Variants in RNASEH1 observed in about 807,000 individuals in gnomAD.
RNASEH1 encodes ribonuclease H type II.
Under a neutral mutation model 34.6 loss-of-function variants are expected in RNASEH1, and 27 were observed. The observed-to-expected ratio is 0.78, with a 90% CI of 0.58 to 1.08. The LOEUF is 1.08. Ranked by LOEUF, RNASEH1 falls within the 50% of genes least tolerant of loss-of-function variation. The probability of loss-of-function intolerance (pLI) is 0.00; values close to 1 mark genes in which losing one functional copy is unlikely to be tolerated. For synonymous variants in RNASEH1, 162 were observed against 138.4 expected (o/e 1.17, Z -1.20); for missense variants, 349 against 373.6 (o/e 0.93, Z 0.54).
intron 2 of RNASEH1, 29 bp from the exon 3 acceptor site, chr2:3,552,337 G>T: frequency 6.2e-7 from 1 of 1,602,880 alleles, no homozygotes; most frequent in Non-Finnish European, 8.5e-7. Flanking sequence ...CTCGTGAGCT[G>T]GAAACAATGA....
chr2:3,542,575 A>G lies in RNASEH1; in HGVS notation c.*3210T>C, dbSNP rs1472077050. Among the ~76,000 whole-genome samples the G allele has an allele frequency of 6.6e-6, 1 of 152,212 alleles. No homozygotes were observed. Among genetic ancestry groups the G allele is most frequent in the Non-Finnish European group, 1.5e-5 (1 of 68,032 alleles). ...GACCTGAACACACAGAAATGAGTCA[A>G]TGGTGGTAAAAAGGAGCAATTTTTC... On this transcript the variant is annotated 3_prime_UTR_variant, in exon 8 of 8. Coordinates refer to ENST00000315212, the MANE Select transcript of RNASEH1 (RefSeq NM_002936.6).
chr2:3,539,098 T>A (rs55698231), downstream of RNASEH1, among the ~76,000 whole-genome samples: 27,665 of 152,130 alleles, frequency 0.18, 2,650 homozygotes, highest in African/African-American at 0.24. Context: ...CTTTGTGATA[T>A]GAGTTGCAAC....
At position 3,541,808 on chromosome 2, in the gene RNASEH1, C is replaced by T. The variant is rs1269004394; in HGVS notation, c.*3977G>A. Among the ~76,000 whole-genome samples the T allele has an allele frequency of 6.6e-6, 1 of 152,172 alleles. No homozygotes were observed. Among genetic ancestry groups the T allele is most frequent in the Admixed American group, 6.5e-5 (1 of 15,272 alleles). ...ACAGGCAAATGCATCGGTCACTTCA[C>T]GTATGTGCAGTTCATTACCTGTCAG... is the stretch of plus-strand genomic sequence containing the variant. On this transcript the variant is annotated 3_prime_UTR_variant, in exon 8 of 8. Transcript: ENST00000315212.
At chr2:3,550,048 T>G (rs1572308401) in intron 4 of RNASEH1, 1 of 237,270 alleles carries the variant, frequency 4.2e-6, no homozygotes, top group Non-Finnish European at 7.9e-6. Flanking sequence ...GAGGCCAAGG[T>G]GGGAGGATCG....
At chr2:3,554,851 AC>A (rs141194288) in intron 2 of RNASEH1, among the ~76,000 whole-genome samples, 4,553 of 152,326 alleles carry the variant, frequency 0.03, 243 homozygotes, top group African/African-American at 0.1. Context: ...TCTGTCTCAA[AC>A]TGATTTTTCC....
At chr2:3,550,548 C>A in intron 3 of RNASEH1, 76 bp from the exon 4 acceptor site, 2 of 1,097,270 alleles carry the variant, frequency 1.8e-6, no homozygotes, top group South Asian at 2.5e-5. Flanking sequence ...TCCACTAGGT[C>A]GACTTAGCAT....
intron 7 of RNASEH1, among the ~76,000 whole-genome samples, 153 bp downstream of exon 7, chr2:3,547,778 C>G (rs546782827): frequency 6.6e-6 from 1 of 152,192 alleles, no homozygotes; most frequent in East Asian, 1.9e-4. Context: ...TGAGCCACTA[C>G]GCCCAGCCTC....
intron 3 of RNASEH1, among the ~76,000 whole-genome samples, chr2:3,550,896 G>A (rs1659811304): frequency 6.6e-6 from 1 of 152,242 alleles, no homozygotes; most frequent in African/African-American, 2.4e-5. Context: ...CTCCTGACCA[G>A]TGCTGGTCTA....
At chr2:3,536,430 C>T (rs938800426), downstream of RNASEH1, among the ~76,000 whole-genome samples, 1 of 152,236 alleles carries the variant, frequency 6.6e-6, no homozygotes, top group African/African-American at 2.4e-5. Flanking sequence ...CGAGTCCCCT[C>T]GTGGACCAGG....
At chr2:3,536,514 CCT>C (rs1349620912), downstream of RNASEH1, among the ~76,000 whole-genome samples, 3 of 152,170 alleles carry the variant, frequency 2.0e-5, no homozygotes, top group Admixed American at 6.5e-5. Context: ...GGAAACCCAC[CCT>C]GACTCCTGAC....
intron 1 of RNASEH1, 57 bp from the exon 2 acceptor site, chr2:3,556,961 T>A: frequency 1.7e-5 from 22 of 1,291,534 alleles, no homozygotes; most frequent in Non-Finnish European, 2.1e-5. Flanking sequence ...TCCCCTTTTT[T>A]ATTGAGATTC....
At chr2:3,557,719 T>A in intron 1 of RNASEH1, 1 of 497,822 alleles carries the variant, frequency 2.0e-6, no homozygotes, top group South Asian at 1.6e-5. Context: ...ACTGGCTTAT[T>A]AGAATTTGCC....
At chr2:3,552,795 A>T (rs1226914317) in intron 2 of RNASEH1, among the ~76,000 whole-genome samples, 1 of 151,984 alleles carries the variant, frequency 6.6e-6, no homozygotes, top group African/African-American at 2.4e-5. Context: ...CCCGGGTTTG[A>T]ATCCAACCCG....
chr2:3,550,597 TTC>T, intron 3 of RNASEH1, 125 bp from the exon 4 acceptor site: 1 of 717,646 alleles, frequency 1.4e-6, no homozygotes, highest in Non-Finnish European at 2.5e-6. Flanking sequence ...TGCAGACGTT[TTC>T]TCTCTAGGAA....
chr2:3,536,170 G>A, the RNASEH1 span, among the ~76,000 whole-genome samples: 1 of 152,204 alleles, frequency 6.6e-6, no homozygotes, highest in Non-Finnish European at 1.5e-5. Flanking sequence ...AAGGACTTGT[G>A]GAAAAATACT....
At chr2:3,535,422 C>G in the RNASEH1 span, among the ~76,000 whole-genome samples, 1 of 137,120 alleles carries the variant, frequency 7.3e-6, no homozygotes, top group African/African-American at 2.9e-5. Flanking sequence ...GTGAGACTAT[C>G]CTGTCTAAAA....
At chr2:3,541,268 A>G (rs57988266), downstream of RNASEH1, among the ~76,000 whole-genome samples, 68,544 of 150,690 alleles carry the variant, frequency 0.45, 16,592 homozygotes, top group African/African-American at 0.61. Flanking sequence ...GGCAGAGCTT[A>G]CAGTGAGCCA....
intron 1 of RNASEH1, 115 bp downstream of exon 1, chr2:3,558,018 A>G: frequency 1.4e-6 from 2 of 1,481,322 alleles, no homozygotes; most frequent in African/African-American, 1.4e-5. Flanking sequence ...ACCCACAGCC[A>G]CAGCGCGCGG....
chr2:3,539,879 C>G (rs994101960), downstream of RNASEH1, among the ~76,000 whole-genome samples: 2 of 152,268 alleles, frequency 1.3e-5, no homozygotes, highest in East Asian at 3.9e-4. Flanking sequence ...AGGAGTGCAG[C>G]TTTCATTGGT....
Sources: gnomAD v4.1 joint callset for allele counts (sites outside exome capture counted in the v4.1 genomes callset) on GRCh38, gnomAD v4.1.1 for gene constraint, MANE v1.5 for transcripts, NCBI Gene and HGNC (gene_info 2026-07-23, HGNC 2026-07-21) for gene names.